Variants in KHDRBS2 observed in about 807,000 individuals in gnomAD.
The protein encoded by KHDRBS2 is KH domain-containing, RNA-binding, signal transduction-associated protein 2.
In KHDRBS2, 26 loss-of-function variants were observed where a neutral mutation model predicts 44.3. The observed-to-expected ratio is 0.59, with a 90% CI of 0.43 to 0.81. The LOEUF (loss-of-function observed/expected upper bound fraction) is 0.81. Among genes scored for constraint, KHDRBS2 ranks in the 40% least tolerant of loss-of-function variants. The probability of loss-of-function intolerance (pLI) is 0.00; values close to 1 mark genes in which losing one functional copy is unlikely to be tolerated. For synonymous variants in KHDRBS2, 194 were observed against 151.1 expected, an observed-to-expected ratio of 1.28 and a Z score of -2.08; for missense variants, 476 against 433.1, an observed-to-expected ratio of 1.10 and a Z score of -0.88.
chr6:62,199,648 G>A (rs144536867), intron 1 of KHDRBS2, among the ~76,000 whole-genome samples: 2,619 of 152,192 alleles, frequency 0.017, 58 homozygotes, highest in African/African-American at 0.054. Flanking sequence ...TCGTGAAAAC[G>A]GCCATACTGC....
At chr6:61,713,153 A>G (rs1166023030) in intron 7 of KHDRBS2, among the ~76,000 whole-genome samples, 2 of 151,626 alleles carry the variant, frequency 1.3e-5, no homozygotes, top group Non-Finnish European at 3.0e-5. Context: ...CTAAAATACA[A>G]AAAATTCTGA....
chr6:61,719,844 T>G (rs1431178429), intron 7 of KHDRBS2, among the ~76,000 whole-genome samples: 1 of 152,032 alleles, frequency 6.6e-6, no homozygotes, highest in East Asian at 1.9e-4. Context: ...TAGTTACATA[T>G]GTATACATGT....
At chr6:61,998,468 A>G (rs1339436102) in intron 3 of KHDRBS2, among the ~76,000 whole-genome samples, 2 of 152,094 alleles carry the variant, frequency 1.3e-5, no homozygotes, top group Admixed American at 6.6e-5. Flanking sequence ...TTAATACTCA[A>G]TCTCTACCTT....
intron 6 of KHDRBS2, among the ~76,000 whole-genome samples, chr6:61,805,338 T>C (rs1043050970): frequency 6.6e-6 from 1 of 152,186 alleles, no homozygotes; most frequent in African/African-American, 2.4e-5. Context: ...TCATTGTTCA[T>C]ATCACTATCA....
intron 2 of KHDRBS2, among the ~76,000 whole-genome samples, chr6:62,096,401 T>G (rs1800610246): frequency 6.6e-6 from 1 of 151,920 alleles, no homozygotes; most frequent in Non-Finnish European, 1.5e-5. Context: ...TAATTTTCAT[T>G]CATTTTTGGT....
In KHDRBS2 at chr6:61,763,984, A is replaced by G. The variant is rs1436894511; in HGVS notation, c.811-31220T>C. Among the ~76,000 whole-genome samples the G allele has an allele frequency of 2.0e-5, 3 of 150,406 alleles. No homozygotes were observed. In the South Asian group the frequency reaches 6.4e-4, roughly 32 times the overall value. On this transcript the variant is annotated intron_variant, in intron 6 of 8. Transcript: ENST00000281156. Reference sequence around the variant, plus strand: ...TTATCCTGATGCTTTCCCACCCCCTACCCTCCCCTTGACAGTTTCCAGTGT... The same window carrying G: ...TTATCCTGATGCTTTCCCACCCCCTGCCCTCCCCTTGACAGTTTCCAGTGT...
chr6:61,700,222 T>C (rs1451542766), intron 7 of KHDRBS2, among the ~76,000 whole-genome samples: 1 of 151,758 alleles, frequency 6.6e-6, no homozygotes, highest in Admixed American at 6.6e-5. Context: ...CCCCAAAGTG[T>C]GCTATGTAGC....
At chr6:61,611,835 C>G in the KHDRBS2 span, among the ~76,000 whole-genome samples, 1 of 152,162 alleles carries the variant, frequency 6.6e-6, no homozygotes, top group Non-Finnish European at 1.5e-5. Flanking sequence ...CTCTCTATTC[C>G]TCCCTCTCTA....
At chr6:61,953,259 A>C (rs1428760256) in intron 4 of KHDRBS2, among the ~76,000 whole-genome samples, 1 of 152,098 alleles carries the variant, frequency 6.6e-6, no homozygotes, top group Non-Finnish European at 1.5e-5. Flanking sequence ...ATTCTGTCTT[A>C]AATGATGCCA....
chr6:61,931,453 T>A (rs1255406325), intron 4 of KHDRBS2, among the ~76,000 whole-genome samples: 1 of 152,016 alleles, frequency 6.6e-6, no homozygotes, highest in Non-Finnish European at 1.5e-5. Context: ...CATACACACA[T>A]ATATATGTGC....
chr6:61,721,873 A>G (rs1188528690), intron 7 of KHDRBS2, among the ~76,000 whole-genome samples: 6 of 142,768 alleles, frequency 4.2e-5, no homozygotes, highest in African/African-American at 7.9e-5. Flanking sequence ...CAAAGGGAAT[A>G]CTTCCAGTTT....
At chr6:61,585,269 G>C in the KHDRBS2 span, among the ~76,000 whole-genome samples, 1,786 of 151,678 alleles carry the variant, frequency 0.012, 35 homozygotes, top group African/African-American at 0.042. Context: ...TTTTTAAAAA[G>C]TCCTCAAAAA....
intron 6 of KHDRBS2, among the ~76,000 whole-genome samples, chr6:61,777,436 TAGAGGAGGTTATCAACAC>T (rs1782251140): frequency 6.6e-6 from 1 of 152,168 alleles, no homozygotes; most frequent in Admixed American, 6.6e-5. Context: ...TCAGCAATGC[TAGAGGAGGTTATCAACAC>T]AGAGAAAGAG....
At chr6:62,246,373 C>T (rs1835575684) in intron 1 of KHDRBS2, among the ~76,000 whole-genome samples, 1 of 151,930 alleles carries the variant, frequency 6.6e-6, no homozygotes, top group South Asian at 2.1e-4. Flanking sequence ...ATCTGAGATA[C>T]TCTATAAGAA....
At chr6:61,957,637 C>G (rs1028937152) in intron 4 of KHDRBS2, among the ~76,000 whole-genome samples, 9 of 152,306 alleles carry the variant, frequency 5.9e-5, no homozygotes, top group Non-Finnish European at 1.2e-4. Flanking sequence ...TGTCTGCTCT[C>G]AAACCCTGTC....
intron 1 of KHDRBS2, among the ~76,000 whole-genome samples, chr6:62,187,198 C>T (rs532006523): frequency 7.2e-5 from 11 of 152,068 alleles, no homozygotes; most frequent in South Asian, 4.2e-4. Flanking sequence ...TAACTCACGA[C>T]GATATAAACA....
Position 61,970,315 on chromosome 6 carries a change from A to C in KHDRBS2, c.483+7751T>G, listed in dbSNP as rs7769260. 1.7e-3 allele frequency among the ~76,000 whole-genome samples: 266 copies of C among 152,136 alleles called. 2 individuals are homozygous for C. The highest frequency in any genetic ancestry group is 6.1e-3 in the African/African-American group (252 of 41,540). ...TAAAGAGCTGATTAGTTAAAAAAAA[A>C]CTGCATATTTTCAGACTCTTTCAAA... On this transcript the variant is annotated intron_variant, in intron 4 of 8. Transcript: ENST00000281156.
intron 6 of KHDRBS2, among the ~76,000 whole-genome samples, chr6:61,884,783 A>C (rs1270093965): frequency 6.6e-6 from 1 of 152,048 alleles, no homozygotes; most frequent in Non-Finnish European, 1.5e-5. Context: ...ACAGACTTTT[A>C]GTACCAGCAA....
intron 6 of KHDRBS2, among the ~76,000 whole-genome samples, chr6:61,848,237 A>G (rs1436396257): frequency 6.6e-6 from 1 of 151,412 alleles, no homozygotes; most frequent in Non-Finnish European, 1.5e-5. Flanking sequence ...TGATGCAGGT[A>G]GCCTGTAGCC....
Sources: allele counts gnomAD v4.1 joint callset (sites outside exome capture counted in the v4.1 genomes callset), GRCh38; gene constraint gnomAD v4.1.1; transcripts MANE v1.5; gene names NCBI Gene and HGNC (gene_info 2026-07-23, HGNC 2026-07-21).